The following LMBRD2 variants were observed in gnomAD, a reference collection of about 807,000 sequenced individuals.
The protein encoded by LMBRD2 is LMBR1 domain containing 2.
A neutral mutation model predicts 94.4 loss-of-function variants in LMBRD2; 55 were observed. The observed-to-expected ratio is 0.58, with a 90% CI of 0.47 to 0.73. The LOEUF (loss-of-function observed/expected upper bound fraction) is 0.73. Among genes scored for constraint, LMBRD2 ranks in the 30% least tolerant of loss-of-function variants. The pLI, the probability that LMBRD2 is intolerant of heterozygous loss-of-function variation, is 0.00. For missense variants in LMBRD2, 640 were observed against 831.9 expected, an observed-to-expected ratio of 0.77 and a Z score of 2.84; for synonymous variants, 246 against 272.4, an observed-to-expected ratio of 0.90 and a Z score of 0.95.
intron 6 of LMBRD2, 115 bp downstream of exon 6, chr5:36,136,194 C>T (rs1244817134): frequency 1.1e-6 from 1 of 908,204 alleles, no homozygotes; most frequent in South Asian, 1.4e-5. Context: ...TGCACAACAC[C>T]AGTTTTGCAG....
chr5:36,116,867 G>C (rs1743760338), intron 10 of LMBRD2, among the ~76,000 whole-genome samples: 1 of 151,774 alleles, frequency 6.6e-6, no homozygotes, highest in Non-Finnish European at 1.5e-5. Context: ...AGTAAGATGG[G>C]GTTTCACCAT....
At chr5:36,146,939 TGA>T (rs112808194) in intron 1 of LMBRD2, among the ~76,000 whole-genome samples, 28,944 of 121,352 alleles carry the variant, frequency 0.24, 3,000 homozygotes, top group Non-Finnish European at 0.26. Context: ...TGTGTGTGTG[TGA>T]GTGTGTGTGT....
rs993455579 is a variant in LMBRD2 at position 36,103,098 on chromosome 5, A to G, written c.*948T>C. 5.9e-5 allele frequency: 9 copies of G among 152,300 alleles called. No individual in the cohort carries two copies. The highest frequency in any genetic ancestry group is 2.2e-4 in the African/African-American group (9 of 41,444). The allele number at this position is 152,300 out of a possible 1,614,324, so 9.4% of individuals were successfully genotyped here. ...TTCTATAAACCACGATTTAAGTATC[A>G]GTAATAACAGTAAATGGATTCACTT... On this transcript the variant is annotated 3_prime_UTR_variant, in exon 18 of 18. Coordinates refer to ENST00000296603, the MANE Select transcript of LMBRD2 (RefSeq NM_001007527.2).
intron 1 of LMBRD2, among the ~76,000 whole-genome samples, chr5:36,150,900 C>T (rs1215558221): frequency 7.2e-5 from 11 of 152,182 alleles, no homozygotes; most frequent in Admixed American, 7.2e-4. Context: ...TTCAAGGAAA[C>T]CAGAGGGTGT....
chr5:36,125,172 C>T (rs985668547), intron 6 of LMBRD2, among the ~76,000 whole-genome samples: 4 of 152,008 alleles, frequency 2.6e-5, no homozygotes, highest in African/African-American at 9.7e-5. Flanking sequence ...CTCTTTAGAA[C>T]CAGTAGTTCC....
intron 6 of LMBRD2, 77 bp from the exon 7 acceptor site, chr5:36,124,342 C>T (rs1743955366): frequency 1.3e-6 from 1 of 766,626 alleles, no homozygotes; most frequent in Admixed American, 2.6e-5. Flanking sequence ...GCATTAGGTA[C>T]TATATATTTT....
At chr5:36,139,710 G>A (rs751950640) in intron 4 of LMBRD2, among the ~76,000 whole-genome samples, 5 of 152,094 alleles carry the variant, frequency 3.3e-5, no homozygotes, top group South Asian at 2.1e-4. Context: ...CTGCACAGAC[G>A]ATTGGGATAA....
At position 36,117,735 on chromosome 5, in the gene LMBRD2, C is replaced by T; in HGVS notation, c.1302G>A (p.Glu434=). The T allele has an allele frequency of 6.3e-7, 1 of 1,590,496 alleles. No individual in the cohort carries two copies. Residue 434 remains glutamate (E), a splice_region_variant and synonymous_variant, in exon 10 of 18, where the codon GAG becomes GAA. Coordinates refer to ENST00000296603, the MANE Select transcript of LMBRD2 (RefSeq NM_001007527.2). The part of the protein sequence containing the change: ...AEKTYNYIYI[E]IACFLSIFFL... Reference sequence around the variant, plus strand: ...TATGACAGACATAAAATAAACTGACCTCGATATAAATATAATTATATGTTT... The same window carrying T: ...TATGACAGACATAAAATAAACTGACTTCGATATAAATATAATTATATGTTT...
At position 36,101,285 on chromosome 5, in the gene LMBRD2, T is replaced by G. The variant is rs1384614834; in HGVS notation, c.*2761A>C. 1.3e-5 allele frequency: 2 copies of G among 151,960 alleles called. No individual in the cohort carries two copies. Among genetic ancestry groups the G allele is most frequent in the African/African-American group, 4.8e-5 (2 of 41,452 alleles). 9.4% of individuals were successfully genotyped at this position (151,960 alleles called of 1,614,324 possible). ...AAGTTAATTAGTAATTTAGAGGTGA[T>G]TCATTAAATTAATAGATTATTATTA... On this transcript the variant is annotated 3_prime_UTR_variant, in exon 18 of 18. Transcript: ENST00000296603.
intron 6 of LMBRD2, among the ~76,000 whole-genome samples, chr5:36,130,004 A>C (rs759116629): frequency 6.6e-6 from 1 of 152,072 alleles, no homozygotes; most frequent in Non-Finnish European, 1.5e-5. Context: ...ACATGGACAC[A>C]GGAAGGGGAA....
Position 36,114,413 on chromosome 5 carries a change from A to T in LMBRD2, c.1640+11T>A, listed in dbSNP as rs76373091. The T allele has an allele frequency of 3.9e-3, 6,054 of 1,554,452 alleles. 230 individuals carry two copies. In the African/African-American group the frequency reaches 0.078, roughly 20 times the overall value. Reference sequence around the variant, plus strand: ...TAAGAGCAAAAGAAAAAACAATGTTAAGTTTCTTACCTAAAATAAGTAGCA... The same window carrying T: ...TAAGAGCAAAAGAAAAAACAATGTTTAGTTTCTTACCTAAAATAAGTAGCA... On this transcript the variant is annotated intron_variant, in intron 13 of 17. Coordinates refer to ENST00000296603, the MANE Select transcript of LMBRD2 (RefSeq NM_001007527.2).
At chr5:36,149,864 G>A (rs540545771) in intron 1 of LMBRD2, among the ~76,000 whole-genome samples, 5 of 152,240 alleles carry the variant, frequency 3.3e-5, no homozygotes, top group East Asian at 1.9e-4. Context: ...CCGAGATTGC[G>A]CCATTGCACT....
intron 3 of LMBRD2, among the ~76,000 whole-genome samples, chr5:36,141,919 A>T (rs1295382077): frequency 1.3e-5 from 2 of 152,192 alleles, no homozygotes; most frequent in Non-Finnish European, 2.9e-5. Context: ...TAGATTTTTT[A>T]AAAATATGCA....
intron 11 of LMBRD2, among the ~76,000 whole-genome samples, chr5:36,116,034 G>C (rs1365068947): frequency 6.6e-6 from 1 of 152,156 alleles, no homozygotes; most frequent in African/African-American, 2.4e-5. Flanking sequence ...GTACAATCTT[G>C]CCCAACTTGA....
At position 36,102,979 on chromosome 5, in the gene LMBRD2, A is replaced by T. The variant is rs1309620353; in HGVS notation, c.*1067T>A. 1 of 151,872 alleles carries T rather than the reference A, an allele frequency of 6.6e-6. No homozygotes were observed. The highest frequency in any genetic ancestry group is 1.5e-5 in the Non-Finnish European group (1 of 67,808). The allele number at this position is 151,872 out of a possible 1,614,324, so 9.4% of individuals were successfully genotyped here. ...TAGTGCTTTAAAATATAATACATAAATTTATCTTAAACACAAAGGTTAAAA... is the reference window on the plus strand; with the variant it reads ...TAGTGCTTTAAAATATAATACATAATTTTATCTTAAACACAAAGGTTAAAA... On this transcript the variant is annotated 3_prime_UTR_variant, in exon 18 of 18. Transcript: ENST00000296603.
In LMBRD2 at chr5:36,127,179, G is replaced by C. The variant is rs147374576; in HGVS notation, c.748-2914C>G. ...TTCTGCATAGCACTTAACATGGCAGGAAGACAGTAAATATTTTTTAAATGA... is the reference window on the plus strand; with the variant it reads ...TTCTGCATAGCACTTAACATGGCAGCAAGACAGTAAATATTTTTTAAATGA... On this transcript the variant is annotated intron_variant, in intron 6 of 17. Coordinates refer to ENST00000296603, the MANE Select transcript of LMBRD2 (RefSeq NM_001007527.2). Among the ~76,000 whole-genome samples, 42 of 152,334 alleles carry C rather than the reference G, an allele frequency of 2.8e-4. No homozygotes were observed. The East Asian group carries it at 8.1e-3, about 29-fold the overall frequency.
chr5:36,126,038 G>C (rs1744000176), intron 6 of LMBRD2, among the ~76,000 whole-genome samples: 1 of 152,174 alleles, frequency 6.6e-6, no homozygotes, highest in Non-Finnish European at 1.5e-5. Flanking sequence ...ACTGGCTCAG[G>C]CTGAAAGAGC....
chr5:36,142,715 T>TA, intron 2 of LMBRD2, 116 bp from the exon 3 acceptor site: 21 of 570,364 alleles, frequency 3.7e-5, no homozygotes, highest in Non-Finnish European at 4.9e-5. Context: ...TATGCTTTAT[T>TA]CTTTTTTTTT....
At chr5:36,106,782 C>A (rs1012196299) in intron 16 of LMBRD2, among the ~76,000 whole-genome samples, 1 of 152,044 alleles carries the variant, frequency 6.6e-6, no homozygotes, top group African/African-American at 2.4e-5. Context: ...GCATAAGCCA[C>A]CGCGCCTGGC....
Sources: allele counts gnomAD v4.1 joint callset (sites outside exome capture counted in the v4.1 genomes callset), GRCh38; gene constraint gnomAD v4.1.1; transcripts MANE v1.5; gene names NCBI Gene and HGNC (gene_info 2026-07-23, HGNC 2026-07-21).